Variants in SLC12A3 observed in about 807,000 individuals in gnomAD.
SLC12A3 encodes the protein Na-Cl cotransporter.
A neutral mutation model predicts 121.0 loss-of-function variants in SLC12A3; 104 were observed. That is an observed-to-expected ratio of 0.86 (90% CI 0.73 to 1.01). SLC12A3 has a LOEUF of 1.01. Ranked by LOEUF, SLC12A3 falls within the 50% of genes least tolerant of loss-of-function variation. The pLI is 0.00. For missense variants in SLC12A3, 1,328 were observed against 1,356.3 expected (o/e 0.98, Z 0.33); for synonymous variants, 536 against 533.4 (o/e 1.00, Z -0.07).
intron 19 of SLC12A3, among the ~76,000 whole-genome samples, chr16:56,891,834 C>T (rs968281068): frequency 5.3e-5 from 8 of 152,200 alleles, no homozygotes; most frequent in African/African-American, 1.9e-4. Flanking sequence ...GCGCACCCAC[C>T]GCCACGGCCC....
intron 16 of SLC12A3, 30 bp downstream of exon 16, chr16:56,886,505 C>T: frequency 6.4e-7 from 1 of 1,569,320 alleles, no homozygotes; most frequent in Non-Finnish European, 8.8e-7. Flanking sequence ...GCACAGGGGA[C>T]CAGGCATGGT....
intron 12 of SLC12A3, among the ~76,000 whole-genome samples, chr16:56,881,172 A>G (rs558980660): frequency 2.1e-4 from 32 of 152,318 alleles, no homozygotes; most frequent in Admixed American, 1.8e-3. Flanking sequence ...CCCTGGGCTC[A>G]TGGGCACCCT....
Position 56,909,695 on chromosome 16 carries a change from G to T in SLC12A3, c.2925-3569G>T, listed in dbSNP as rs530450970. Reference sequence around the variant, plus strand: ...GTTTCTCTACAAGTTCAGTCAGAGGGTCCGCTTCATCAGAACCACCAGGGG... The same window carrying T: ...GTTTCTCTACAAGTTCAGTCAGAGGTTCCGCTTCATCAGAACCACCAGGGG... On this transcript the variant is annotated intron_variant, in intron 25 of 25. Coordinates refer to ENST00000563236, the MANE Select transcript of SLC12A3 (RefSeq NM_001126108.2). Among the ~76,000 whole-genome samples the T allele has an allele frequency of 4.6e-5, 7 of 152,158 alleles. No homozygotes were observed. The South Asian group carries it at 1.5e-3, about 32-fold the overall frequency.
chr16:56,868,414 A>T (rs748831385), intron 3 of SLC12A3, 42 bp downstream of exon 3: 2 of 1,560,710 alleles, frequency 1.3e-6, no homozygotes, highest in East Asian at 2.3e-5. Flanking sequence ...GCTTGCCTGA[A>T]TCCCATTCTT....
rs1158469272 is a variant in SLC12A3 at position 56,893,041 on chromosome 16, C to A, written c.2508C>A (p.Leu836=). 6.2e-7 allele frequency: 1 copy of A among 1,613,962 alleles called. No individual in the cohort carries two copies. Among genetic ancestry groups the A allele is most frequent in the African/African-American group, 1.3e-5 (1 of 74,938 alleles). Reference sequence around the variant, plus strand: ...AGAAGACCATAGACATCTACTGGCTCTTTGACGATGGAGGTCAGTGACCCC... The same window carrying A: ...AGAAGACCATAGACATCTACTGGCTATTTGACGATGGAGGTCAGTGACCCC... The part of the protein sequence containing the change: ...QGKKTIDIYW[L]FDDGGLTLLI... The change falls in exon 21 of 26, where the codon CTC becomes CTA. Residue 836 remains leucine, a synonymous_variant. Transcript: ENST00000563236.
intron 25 of SLC12A3, among the ~76,000 whole-genome samples, chr16:56,905,665 C>T (rs1194562199): frequency 6.6e-6 from 1 of 152,182 alleles, no homozygotes; most frequent in Admixed American, 6.5e-5. Context: ...AAATGTGGGG[C>T]ACCTTGCTCA....
rs201804135 is a variant in SLC12A3, at chr16:56,880,139, G to A, written c.1453G>A (p.Glu485Lys). 315 of 1,606,424 alleles carry A rather than the reference G, an allele frequency of 2.0e-4. 3 individuals are homozygous for A. The highest frequency in any genetic ancestry group is 1.2e-3 in the South Asian group (110 of 88,982). ...GCATCTGGTGCTGCAGTGCCTTTGC[G>A]AGGACCAGCTGTACCCACTGATCGG... is the stretch of plus-strand genomic sequence containing the variant. Reference protein sequence around the residue: ...SAAKVFQCLCEDQLYPLIGFF... With the variant: ...SAAKVFQCLCKDQLYPLIGFF... Residue 485 changes from glutamate to lysine, a missense_variant, in exon 12 of 26, where the codon GAG (glutamate) becomes AAG (lysine). By Grantham distance (56) the Glu-to-Lys change is moderately conservative. Transcript: ENST00000563236.
At chr16:56,889,366 G>A (rs578135574) in intron 18 of SLC12A3, among the ~76,000 whole-genome samples, 1 of 152,364 alleles carries the variant, frequency 6.6e-6, no homozygotes, top group Admixed American at 6.5e-5. Context: ...AGGGAGGGCA[G>A]TGCGCAGCCC....
chr16:56,891,318 G>A (rs2144739920), intron 19 of SLC12A3, among the ~76,000 whole-genome samples: 1 of 143,764 alleles, frequency 7.0e-6, no homozygotes, highest in South Asian at 2.2e-4. Flanking sequence ...GCTGCAGTGA[G>A]CCGTGATTGC....
At chr16:56,899,644 A>C (rs1020337239) in intron 23 of SLC12A3, 28 bp downstream of exon 23, 7 of 1,531,354 alleles carry the variant, frequency 4.6e-6, no homozygotes, top group Admixed American at 1.7e-5. Flanking sequence ...GCTTCCAGGC[A>C]GAAGGGCCAA....
At chr16:56,875,715 G>A (rs1174571710) in intron 8 of SLC12A3, among the ~76,000 whole-genome samples, 11 of 152,002 alleles carry the variant, frequency 7.2e-5, no homozygotes, top group African/African-American at 2.4e-4. Flanking sequence ...GCTCAGGGAT[G>A]TTAAGGGGCT....
intron 25 of SLC12A3, chr16:56,904,664 G>A: frequency 3.4e-6 from 2 of 587,066 alleles, no homozygotes; most frequent in South Asian, 1.8e-5. Flanking sequence ...GCTCCAGCTG[G>A]CAGGGGTCGA....
At chr16:56,890,434 T>A in intron 19 of SLC12A3, 78 bp downstream of exon 19, 1 of 1,186,098 alleles carries the variant, frequency 8.4e-7, no homozygotes, top group Non-Finnish European at 1.2e-6. Context: ...GAAAAATGAG[T>A]AAGAAATAAA....
In SLC12A3 at chr16:56,913,930, A is replaced by T. The variant is rs2055720375; in HGVS notation, c.*525A>T. 1 of 152,116 alleles carries T rather than the reference A, an allele frequency of 6.6e-6. No homozygotes were observed. The highest frequency in any genetic ancestry group is 1.5e-5 in the Non-Finnish European group (1 of 68,598). 9.4% of individuals were successfully genotyped at this position (152,116 alleles called of 1,614,324 possible). ...ATACATATATATATATTTTTTTTTT[A>T]GATGAAGTTTTTTCTCTTGTTGCCC... On this transcript the variant is annotated 3_prime_UTR_variant, in exon 26 of 26. Transcript: ENST00000563236.
chr16:56,890,399 A>T (rs747047445), intron 19 of SLC12A3, 43 bp downstream of exon 19: 3 of 1,559,286 alleles, frequency 1.9e-6, no homozygotes, highest in Non-Finnish European at 8.8e-7. Context: ...TCTAGAACAC[A>T]TTTTTTGTTT....
chr16:56,879,106 T>C lies in SLC12A3; in HGVS notation c.1214T>C (p.Leu405Pro). 1 of 1,613,264 alleles carries C rather than the reference T, an allele frequency of 6.2e-7. No individual in the cohort carries two copies. The highest frequency in any genetic ancestry group is 1.1e-5 in the South Asian group (1 of 90,934). ...GTGGTGCGTGATGCCTCTGGGGTCCTGAATGACACAGTGACCCCTGGCTGG... is the reference window on the plus strand; with the variant it reads ...GTGGTGCGTGATGCCTCTGGGGTCCCGAATGACACAGTGACCCCTGGCTGG... ...SCVVRDASGV[L>P]NDTVTPGWGA... Residue 405 changes from leucine (L) to proline (P), a missense_variant, in exon 10 of 26, where the codon CTG (leucine) becomes CCG (proline). Leu to Pro is a moderately conservative substitution (Grantham distance 98, BLOSUM62 -3). Transcript: ENST00000563236.
In SLC12A3 at chr16:56,872,858, T is replaced by C. The variant is rs564176765; in HGVS notation, c.1095+72T>C. 88 of 1,589,936 alleles carry C rather than the reference T, an allele frequency of 5.5e-5. No individual in the cohort carries two copies. In the South Asian group the frequency reaches 9.3e-4, roughly 17 times the overall value. On this transcript the variant is annotated intron_variant, in intron 8 of 25. Coordinates refer to ENST00000563236, the MANE Select transcript of SLC12A3 (RefSeq NM_001126108.2). ...CTATGAGCAGAATCCTGCCCCCTGCTCTAGTGGCATCTGCCGCTGACCTGG... is the reference window on the plus strand; with the variant it reads ...CTATGAGCAGAATCCTGCCCCCTGCCCTAGTGGCATCTGCCGCTGACCTGG...
intron 15 of SLC12A3, among the ~76,000 whole-genome samples, 158 bp from the exon 16 acceptor site, chr16:56,886,206 G>A (rs1314298347): frequency 6.6e-6 from 1 of 152,190 alleles, no homozygotes; most frequent in Admixed American, 6.5e-5. Context: ...AGCCCCAAAA[G>A]TCACCCTGGA....
chr16:56,880,299 G>C (rs1274846749), intron 12 of SLC12A3, 46 bp downstream of exon 12: 2 of 1,548,334 alleles, frequency 1.3e-6, no homozygotes, highest in South Asian at 2.4e-5. Context: ...CTGTTCCCCT[G>C]GCCGGCCATG....
Sources: allele counts gnomAD v4.1 joint callset (sites outside exome capture counted in the v4.1 genomes callset), GRCh38; gene constraint gnomAD v4.1.1; transcripts MANE v1.5; gene names NCBI Gene and HGNC (gene_info 2026-07-23, HGNC 2026-07-21).